The following PTPRT variants were observed in gnomAD, a reference collection of about 807,000 sequenced individuals.
The protein encoded by PTPRT is protein tyrosine phosphatase receptor type T.
PTPRT carries 56 observed loss-of-function variants against 176.8 expected under a neutral mutation model. That is an observed-to-expected ratio of 0.32 (90% confidence interval 0.26 to 0.40). PTPRT has a LOEUF of 0.40. PTPRT is among the 10% of genes least tolerant of loss of function. PTPRT has a pLI of 1.00. For missense variants in PTPRT, 1,540 were observed against 1,908.2 expected (o/e 0.81, Z 3.60); for synonymous variants, 783 against 739.0 (o/e 1.06, Z -0.96).
chr20:43,148,118 G>A (rs1408468493), intron 1 of PTPRT, among the ~76,000 whole-genome samples: 1 of 152,128 alleles, frequency 6.6e-6, no homozygotes, highest in Non-Finnish European at 1.5e-5. Flanking sequence ...GGCTGGTTGG[G>A]TGGGGGGATC....
intron 1 of PTPRT, among the ~76,000 whole-genome samples, chr20:43,039,845 A>G (rs1986533703): frequency 6.6e-6 from 1 of 152,202 alleles, no homozygotes; most frequent in Non-Finnish European, 1.5e-5. Context: ...GTTCTAGACC[A>G]GCCTGGGCAG....
intron 2 of PTPRT, among the ~76,000 whole-genome samples, chr20:42,831,336 T>G (rs142227007): frequency 0.01 from 1,589 of 152,266 alleles, 10 homozygotes; most frequent in Non-Finnish European, 0.017. Flanking sequence ...TATAGAAGAT[T>G]GAAACTGGAC....
intron 1 of PTPRT, among the ~76,000 whole-genome samples, chr20:42,976,403 A>T (rs1982952360): frequency 2.0e-5 from 3 of 150,670 alleles, no homozygotes; most frequent in South Asian, 2.1e-4. Flanking sequence ...TGCATTTTTT[A>T]TTTATTTTTT....
chr20:42,240,959 T>C (rs1003545835), intron 14 of PTPRT, among the ~76,000 whole-genome samples: 1 of 152,214 alleles, frequency 6.6e-6, no homozygotes, highest in African/African-American at 2.4e-5. Context: ...CTGTTTTAAG[T>C]ATATTGCATG....
At chr20:42,824,062 G>A (rs907486334) in intron 2 of PTPRT, among the ~76,000 whole-genome samples, 3 of 152,010 alleles carry the variant, frequency 2.0e-5, no homozygotes, top group South Asian at 2.1e-4. Context: ...CTTAAACAGA[G>A]ATATGAGAGG....
At chr20:42,918,923 C>T (rs1978966694) in intron 1 of PTPRT, among the ~76,000 whole-genome samples, 1 of 152,188 alleles carries the variant, frequency 6.6e-6, no homozygotes, top group Admixed American at 6.5e-5. Flanking sequence ...CACTCCTCAA[C>T]ACCAGAAGAG....
chr20:43,118,685 G>T (rs920356559), intron 1 of PTPRT, among the ~76,000 whole-genome samples: 1 of 152,080 alleles, frequency 6.6e-6, no homozygotes, highest in African/African-American at 2.4e-5. Flanking sequence ...TGATCCACCC[G>T]CCTCAACCTC....
At chr20:42,590,988 C>T (rs926833191) in intron 7 of PTPRT, among the ~76,000 whole-genome samples, 6 of 140,548 alleles carry the variant, frequency 4.3e-5, no homozygotes, top group African/African-American at 1.6e-4. Context: ...TGGGGCATTC[C>T]AAAGAGGGAC....
intron 5 of PTPRT, among the ~76,000 whole-genome samples, chr20:42,764,287 AG>A (rs1341955874): frequency 6.6e-6 from 1 of 152,204 alleles, no homozygotes; most frequent in Non-Finnish European, 1.5e-5. Flanking sequence ...TTCCAAGTGT[AG>A]ACGTCCCATT....
chr20:42,707,368 T>C (rs1569100294), intron 6 of PTPRT, among the ~76,000 whole-genome samples: 1 of 152,164 alleles, frequency 6.6e-6, no homozygotes, highest in Non-Finnish European at 1.5e-5. Context: ...GAGTAGGTTA[T>C]GTTACATGGC....
intron 1 of PTPRT, among the ~76,000 whole-genome samples, chr20:43,001,271 A>C (rs1387908618): frequency 6.6e-6 from 1 of 152,214 alleles, no homozygotes; most frequent in Non-Finnish European, 1.5e-5. Context: ...ATCAAAATAT[A>C]GATCTCAAAA....
intron 12 of PTPRT, among the ~76,000 whole-genome samples, chr20:42,294,502 A>T (rs546421040): frequency 6.6e-6 from 1 of 152,234 alleles, no homozygotes; most frequent in African/African-American, 2.4e-5. Flanking sequence ...ACACAAAATC[A>T]TCGACTGAAA....
At chr20:42,552,187 T>C (rs2072782426) in intron 7 of PTPRT, among the ~76,000 whole-genome samples, 1 of 152,154 alleles carries the variant, frequency 6.6e-6, no homozygotes, top group Non-Finnish European at 1.5e-5. Flanking sequence ...ATGAAAGGAA[T>C]AACTTTCAAA....
intron 1 of PTPRT, among the ~76,000 whole-genome samples, chr20:43,118,985 G>A (rs1798038457): frequency 6.6e-6 from 1 of 152,178 alleles, no homozygotes; most frequent in African/African-American, 2.4e-5. Context: ...TCAAATTTAT[G>A]AGTAAGCTGT....
intron 9 of PTPRT, among the ~76,000 whole-genome samples, chr20:42,371,660 T>A (rs73119304): frequency 0.087 from 13,190 of 152,228 alleles, 732 homozygotes; most frequent in African/African-American, 0.14. Context: ...CCCAGGGCTG[T>A]TCTCCAGCCC....
At chr20:42,774,473 C>G (rs577073216) in intron 4 of PTPRT, among the ~76,000 whole-genome samples, 8 of 152,170 alleles carry the variant, frequency 5.3e-5, no homozygotes, top group Non-Finnish European at 1.0e-4. Context: ...TGTCAAACGT[C>G]TGATTTCTCC....
intron 1 of PTPRT, among the ~76,000 whole-genome samples, chr20:43,107,037 G>C (rs1031243277): frequency 6.6e-6 from 1 of 152,060 alleles, no homozygotes; most frequent in Non-Finnish European, 1.5e-5. Flanking sequence ...TGATCCGCCC[G>C]CCTCGGCCTC....
chr20:43,088,251 G>A (rs1004942), intron 1 of PTPRT, among the ~76,000 whole-genome samples: 84,345 of 151,728 alleles, frequency 0.56, 23,668 homozygotes, highest in East Asian at 0.75. Flanking sequence ...CTTAGTTCAA[G>A]AGTAAAACAA....
chr20:42,414,545 G>T (rs2059047694), intron 9 of PTPRT, among the ~76,000 whole-genome samples: 1 of 152,162 alleles, frequency 6.6e-6, no homozygotes, highest in African/African-American at 2.4e-5. Flanking sequence ...CTTACTAAGG[G>T]AGCTGGTTAT....
Sources: gnomAD v4.1 joint callset for allele counts (sites outside exome capture counted in the v4.1 genomes callset) on GRCh38, gnomAD v4.1.1 for gene constraint, MANE v1.5 for transcripts, NCBI Gene and HGNC (gene_info 2026-07-23, HGNC 2026-07-21) for gene names.